Variants in KAZN observed in about 807,000 individuals in gnomAD.
KAZN encodes the protein kazrin.
Under a neutral mutation model 87.4 loss-of-function variants are expected in KAZN, and 40 were observed. The observed-to-expected ratio is 0.46, with a 90% CI of 0.36 to 0.60. The LOEUF is 0.60. Ranked by LOEUF, KAZN falls within the 20% of genes least tolerant of loss-of-function variation. The pLI, the probability that KAZN is intolerant of heterozygous loss-of-function variation, is 0.00. For synonymous variants in KAZN, 466 were observed against 458.3 expected (o/e 1.02, Z -0.22); for missense variants, 898 against 1,073.9 (o/e 0.84, Z 2.29).
chr1:14,492,652 T>TACATACACA (rs1669711831), intron 2 of KAZN, among the ~76,000 whole-genome samples: 1 of 80 alleles, frequency 0.013, no homozygotes, highest in East Asian at 0.17. Context: ...TAACCACACA[T>TACATACACA]GCACACACCA....
chr1:14,254,493 A>G (rs764452100), intron 2 of KAZN, among the ~76,000 whole-genome samples: 2 of 152,160 alleles, frequency 1.3e-5, no homozygotes, highest in Non-Finnish European at 2.9e-5. Flanking sequence ...AACAGCCTCA[A>G]TATAGTGGGG....
chr1:14,871,032 G>C (rs942967391), intron 1 of KAZN, among the ~76,000 whole-genome samples: 1 of 152,208 alleles, frequency 6.6e-6, no homozygotes. Context: ...CAGCTCACCT[G>C]TTCTTTGTCC....
chr1:13,944,791 TAAGAC>T (rs1445968735), intron 1 of KAZN, among the ~76,000 whole-genome samples: 1 of 150,922 alleles, frequency 6.6e-6, no homozygotes, highest in African/African-American at 2.4e-5. Context: ...TAATCAAAAA[TAAGAC>T]AAGAAAAGAT....
Position 14,226,049 on chromosome 1 carries a change from C to CA in KAZN, c.249+45464dup, listed in dbSNP as rs997026736. On this transcript the variant is annotated intron_variant, in intron 2 of 16. Transcript: ENST00000636203. ...TAAAGAGCTTCTGCACAGCAAAAAACAAAAAAACAAAACAACAAACAACAA... is the reference window on the plus strand; with the variant it reads ...TAAAGAGCTTCTGCACAGCAAAAAACAAAAAAAACAAAACAACAAACAACAA... Among the ~76,000 whole-genome samples, 8 of 151,260 alleles carry CA rather than the reference C, an allele frequency of 5.3e-5. No homozygotes were observed. The East Asian group carries it at 5.8e-4, about 11-fold the overall frequency.
intron 1 of KAZN, among the ~76,000 whole-genome samples, chr1:14,878,516 C>T (rs549356511): frequency 6.6e-6 from 1 of 152,278 alleles, no homozygotes; most frequent in Admixed American, 6.5e-5. Flanking sequence ...TCTTCTGGGC[C>T]TCAGTTTCCC....
intron 1 of KAZN, among the ~76,000 whole-genome samples, chr1:13,898,850 A>G (rs1239261879): frequency 1.3e-5 from 2 of 152,196 alleles, no homozygotes; most frequent in Non-Finnish European, 2.9e-5. Context: ...TTTAAACAAT[A>G]TAGGGGTCCT....
intron 1 of KAZN, among the ~76,000 whole-genome samples, chr1:13,941,727 G>A (rs78350814): frequency 2.0e-5 from 3 of 152,084 alleles, no homozygotes; most frequent in East Asian, 1.9e-4. Flanking sequence ...TAGAAAAACC[G>A]GCCCCAAATA....
At chr1:14,845,079 G>A (rs909422467) in intron 1 of KAZN, among the ~76,000 whole-genome samples, 2 of 152,050 alleles carry the variant, frequency 1.3e-5, no homozygotes, top group African/African-American at 2.4e-5. Flanking sequence ...TGGGTTGATG[G>A]ATAGACAGAT....
intron 1 of KAZN, among the ~76,000 whole-genome samples, chr1:14,011,499 G>A (rs6689383): frequency 0.32 from 48,394 of 152,034 alleles, 8,823 homozygotes; most frequent in African/African-American, 0.48. Context: ...TGGTCCCATC[G>A]TGGAATACCC....
In KAZN at chr1:14,504,205, T is replaced by C. The variant is rs1670427552; in HGVS notation, c.250-94778T>C. Among the ~76,000 whole-genome samples the C allele has an allele frequency of 2.0e-5, 3 of 152,242 alleles. No individual in the cohort carries two copies. The South Asian group carries it at 6.2e-4, about 32-fold the overall frequency. On this transcript the variant is annotated intron_variant, in intron 2 of 16. Coordinates refer to the KAZN transcript ENST00000636203. ...ATTACCTTGTCTCTGAACAACAAGA[T>C]GGAAACAGACTTGGGGGTAGTGTAG... is the stretch of plus-strand genomic sequence containing the variant.
chr1:14,486,215 A>G (rs568510838), intron 2 of KAZN, among the ~76,000 whole-genome samples: 1 of 152,346 alleles, frequency 6.6e-6, no homozygotes, highest in South Asian at 2.1e-4. Context: ...GAAAAAATGA[A>G]AAATAAGTTT....
At chr1:14,756,711 G>A (rs1644577188) in intron 1 of KAZN, among the ~76,000 whole-genome samples, 1 of 152,182 alleles carries the variant, frequency 6.6e-6, no homozygotes, top group African/African-American at 2.4e-5. Flanking sequence ...AACTCCCCAG[G>A]TCTGGGCATT....
rs1641773068 is a variant in KAZN at position 15,114,573 on chromosome 1, C to A, written c.2266C>A (p.Gln756Lys). Residue 756 changes from glutamine to lysine, a missense_variant, in exon 15 of 15, where the codon CAG (glutamine) becomes AAG (lysine). This residue lies in a region of KAZN where 127 missense variants were observed against 121.5 expected (regional missense o/e 1.04). Transcript: ENST00000376030. Reference protein sequence around the residue: ...QNEDCGDDDPQSRLEQCRLEG... With the variant: ...QNEDCGDDDPKSRLEQCRLEG... ...CGAAGATTGCGGAGACGATGACCCCCAGAGCAGGCTGGAACAGTGCCGTCT... is the reference window on the plus strand; with the variant it reads ...CGAAGATTGCGGAGACGATGACCCCAAGAGCAGGCTGGAACAGTGCCGTCT... The A allele has an allele frequency of 6.2e-7, 1 of 1,605,902 alleles. No homozygotes were observed. Among genetic ancestry groups the A allele is most frequent in the African/African-American group, 1.3e-5 (1 of 74,768 alleles).
At chr1:14,698,689 GC>G (rs1641754878) in intron 1 of KAZN, among the ~76,000 whole-genome samples, 1 of 152,214 alleles carries the variant, frequency 6.6e-6, no homozygotes, top group Non-Finnish European at 1.5e-5. Context: ...GTCTACCTCT[GC>G]TGCTAAAACA....
chr1:13,963,595 A>G (rs891186405), intron 1 of KAZN, among the ~76,000 whole-genome samples: 1 of 152,234 alleles, frequency 6.6e-6, no homozygotes, highest in African/African-American at 2.4e-5. Context: ...CCAGGCAATT[A>G]TAGAATTTTC....
chr1:14,170,010 C>A (rs1645919027), intron 1 of KAZN, among the ~76,000 whole-genome samples: 1 of 152,186 alleles, frequency 6.6e-6, no homozygotes, highest in Non-Finnish European at 1.5e-5. Flanking sequence ...GCTGGACCTT[C>A]CCCAAGCTTC....
intron 1 of KAZN, among the ~76,000 whole-genome samples, chr1:14,677,096 G>A (rs1042245900): frequency 6.6e-6 from 1 of 152,130 alleles, no homozygotes; most frequent in Non-Finnish European, 1.5e-5. Context: ...TGTGTGCCCA[G>A]CAGTATGACA....
chr1:14,953,228 T>C (rs868435199), intron 1 of KAZN, among the ~76,000 whole-genome samples: 1 of 152,212 alleles, frequency 6.6e-6, no homozygotes, highest in Non-Finnish European at 1.5e-5. Context: ...AGAACCACCA[T>C]GCGCTGAGTG....
intron 1 of KAZN, among the ~76,000 whole-genome samples, chr1:14,814,619 A>T (rs1379237189): frequency 6.6e-6 from 1 of 152,170 alleles, no homozygotes; most frequent in Non-Finnish European, 1.5e-5. Flanking sequence ...ATCCTTTGAA[A>T]ACCCAGCAAG....
Sources: allele counts gnomAD v4.1 joint callset (sites outside exome capture counted in the v4.1 genomes callset), GRCh38; gene constraint gnomAD v4.1.1; regional missense constraint gnomAD v4.1.1; transcripts MANE v1.5; gene names NCBI Gene and HGNC (gene_info 2026-07-23, HGNC 2026-07-21).